Variants in PPP3CA observed in about 807,000 individuals in gnomAD.
The protein encoded by PPP3CA is CAM-PRP catalytic subunit.
PPP3CA carries 14 observed loss-of-function variants against 66.5 expected under a neutral mutation model. The ratio of observed to expected loss-of-function variants is 0.21; its 90% CI spans 0.14 to 0.33. PPP3CA has a LOEUF of 0.33. PPP3CA is among the 10% of genes least tolerant of loss of function. PPP3CA has a pLI of 1.00. For missense variants in PPP3CA, 317 were observed against 639.5 expected (o/e 0.50, Z 5.44); for synonymous variants, 232 against 226.2 (o/e 1.03, Z -0.23).
intron 2 of PPP3CA, among the ~76,000 whole-genome samples, chr4:101,137,714 T>C (rs184254916): frequency 1.5e-4 from 22 of 151,564 alleles, no homozygotes; most frequent in Admixed American, 1.3e-3. Context: ...TTTCACAGGA[T>C]CATCATCCTA....
chr4:101,340,643 T>C (rs934753284), intron 1 of PPP3CA, among the ~76,000 whole-genome samples: 2 of 152,198 alleles, frequency 1.3e-5, no homozygotes. Flanking sequence ...AATAAAATGA[T>C]TTTAAAATGC....
At chr4:101,277,233 C>T (rs1727524213) in intron 1 of PPP3CA, among the ~76,000 whole-genome samples, 1 of 152,094 alleles carries the variant, frequency 6.6e-6, no homozygotes, top group Non-Finnish European at 1.5e-5. Flanking sequence ...TGGCTTGGTA[C>T]CTCATTTCTT....
chr4:101,127,570 G>A (rs1173790941), intron 2 of PPP3CA, among the ~76,000 whole-genome samples: 1 of 152,106 alleles, frequency 6.6e-6, no homozygotes, highest in Non-Finnish European at 1.5e-5. Flanking sequence ...AGGTTTCAGA[G>A]GCAAGAAGGC....
At position 101,167,606 on chromosome 4, in the gene PPP3CA, T is replaced by C. The variant is rs537599886; in HGVS notation, c.259+28310A>G. Among the ~76,000 whole-genome samples the C allele has an allele frequency of 1.2e-3, 181 of 152,232 alleles. 1 individual carries two copies. Among genetic ancestry groups the C allele is most frequent in the African/African-American group, 4.2e-3 (175 of 41,554 alleles). ...AGCTACAAAGTGTATCAATGAATGA[T>C]AAGTGCAATGGAGATTATAATCTAG... On this transcript the variant is annotated intron_variant, in intron 2 of 13. Coordinates refer to ENST00000394854, the MANE Select transcript of PPP3CA (RefSeq NM_000944.5).
At chr4:101,289,575 AT>A (rs1007094541) in intron 1 of PPP3CA, among the ~76,000 whole-genome samples, 10 of 152,220 alleles carry the variant, frequency 6.6e-5, no homozygotes, top group African/African-American at 2.4e-4. Context: ...CCCTTTCTGA[AT>A]TTAATCATTT....
chr4:101,085,084 T>C (rs1729604282), intron 6 of PPP3CA, among the ~76,000 whole-genome samples: 3 of 152,232 alleles, frequency 2.0e-5, no homozygotes, highest in Non-Finnish European at 4.4e-5. Context: ...TCAGAGATAC[T>C]GGTTGGTCTT....
chr4:101,320,180 C>A (rs1728996433), intron 1 of PPP3CA, among the ~76,000 whole-genome samples: 1 of 151,770 alleles, frequency 6.6e-6, no homozygotes, highest in Admixed American at 6.6e-5. Flanking sequence ...CACACACACA[C>A]AGAATCTGTA....
At chr4:101,203,556 G>A (rs1002423136) in intron 1 of PPP3CA, among the ~76,000 whole-genome samples, 1 of 152,054 alleles carries the variant, frequency 6.6e-6, no homozygotes, top group African/African-American at 2.4e-5. Context: ...ATTAATTAGA[G>A]AAAATAAGTA....
intron 1 of PPP3CA, among the ~76,000 whole-genome samples, chr4:101,239,602 C>T (rs1204823804): frequency 1.3e-5 from 2 of 151,992 alleles, no homozygotes; most frequent in Non-Finnish European, 2.9e-5. Context: ...TAGCTAAATA[C>T]AAACTCACAA....
intron 2 of PPP3CA, among the ~76,000 whole-genome samples, chr4:101,139,122 A>T (rs1036663702): frequency 6.6e-6 from 1 of 152,140 alleles, no homozygotes; most frequent in Non-Finnish European, 1.5e-5. Context: ...AGGCAGGTGG[A>T]TCACAACGTC....
At chr4:101,316,272 C>A (rs1728881398) in intron 1 of PPP3CA, among the ~76,000 whole-genome samples, 1 of 150,528 alleles carries the variant, frequency 6.6e-6, no homozygotes, top group African/African-American at 2.5e-5. Flanking sequence ...TGCATATATT[C>A]TCCAATTTAT....
chr4:101,267,680 A>G (rs1727211780), intron 1 of PPP3CA, among the ~76,000 whole-genome samples: 1 of 151,904 alleles, frequency 6.6e-6, no homozygotes, highest in South Asian at 2.1e-4. Flanking sequence ...ATTAATATTA[A>G]CATACGCTAT....
At chr4:101,056,883 C>T (rs892822107) in intron 10 of PPP3CA, among the ~76,000 whole-genome samples, 2 of 147,574 alleles carry the variant, frequency 1.4e-5, no homozygotes, top group African/African-American at 5.0e-5. Context: ...TGTCAATAAA[C>T]AGTATTCCCA....
chr4:101,309,664 GA>G (rs1728659622), intron 1 of PPP3CA, among the ~76,000 whole-genome samples: 1 of 152,120 alleles, frequency 6.6e-6, no homozygotes, highest in South Asian at 2.1e-4. Flanking sequence ...AGGGCCCTGT[GA>G]AAATTCCAAT....
chr4:101,181,588 G>A (rs1317933317), intron 2 of PPP3CA, among the ~76,000 whole-genome samples: 2 of 152,006 alleles, frequency 1.3e-5, no homozygotes, highest in Non-Finnish European at 2.9e-5. Flanking sequence ...GAATCTAAAA[G>A]CAGGATTTGA....
intron 1 of PPP3CA, among the ~76,000 whole-genome samples, chr4:101,311,628 T>G (rs1261255202): frequency 6.6e-6 from 1 of 151,884 alleles, no homozygotes; most frequent in Admixed American, 6.6e-5. Flanking sequence ...AAAAGTAAAA[T>G]AATTAGCCAG....
intron 1 of PPP3CA, among the ~76,000 whole-genome samples, chr4:101,267,741 A>G (rs1560689407): frequency 6.6e-6 from 1 of 152,202 alleles, no homozygotes; most frequent in Non-Finnish European, 1.5e-5. Context: ...CCAGACTGAC[A>G]AAATTACTAA....
At chr4:101,217,452 T>C (rs774232825) in intron 1 of PPP3CA, among the ~76,000 whole-genome samples, 9 of 152,142 alleles carry the variant, frequency 5.9e-5, no homozygotes, top group Non-Finnish European at 8.8e-5. Context: ...ATTTAGACTA[T>C]GAAATCTAAT....
intron 1 of PPP3CA, among the ~76,000 whole-genome samples, chr4:101,222,534 C>A (rs1338211002): frequency 6.6e-6 from 1 of 151,572 alleles, no homozygotes; most frequent in East Asian, 1.9e-4. Flanking sequence ...AGGAAGGGTA[C>A]ACCTTATATT....
Sources: gnomAD v4.1 joint callset for allele counts (sites outside exome capture counted in the v4.1 genomes callset) on GRCh38, gnomAD v4.1.1 for gene constraint, MANE v1.5 for transcripts, NCBI Gene and HGNC (gene_info 2026-07-23, HGNC 2026-07-21) for gene names.